PIM3: variants seen among roughly 807,000 people sequenced by gnomAD.
PIM3 encodes serine/threonine-protein kinase pim-3.
PIM3 carries 13 observed loss-of-function variants against 27.5 expected under a neutral mutation model. The ratio of observed to expected loss-of-function variants is 0.47; its 90% CI spans 0.31 to 0.75. The LOEUF (loss-of-function observed/expected upper bound fraction) is 0.75. Among genes scored for constraint, PIM3 ranks in the 30% least tolerant of loss-of-function variants. The pLI is 0.05. For synonymous variants in PIM3, 341 were observed against 221.1 expected (o/e 1.54, Z -4.81); for missense variants, 482 against 476.9 (o/e 1.01, Z -0.10).
rs747229572 is a variant in PIM3 at position 49,961,578 on chromosome 22, C to T, written c.383C>T (p.Pro128Leu). ...GFLLVLERPE[P>L]AQDLFDFITE... ...CTGCTGGTGCTGGAGCGGCCCGAGC[C>T]GGCGCAGGACCTCTTCGACTTTATC... The change falls in exon 4 of 6, where the codon CCG (proline) becomes CTG (leucine). Residue 128 changes from proline to leucine, a missense_variant. Pro to Leu is a moderately conservative substitution (Grantham distance 98, BLOSUM62 -3). Coordinates refer to ENST00000360612, the MANE Select transcript of PIM3 (RefSeq NM_001001852.4). The T allele has an allele frequency of 2.6e-6, 4 of 1,547,178 alleles. No individual in the cohort carries two copies. The highest frequency in any genetic ancestry group is 2.4e-5 in the East Asian group (1 of 40,890).
rs2060906634 is a variant in PIM3, at chr22:49,961,429, C to T, written c.247-13C>T. ...GCGGGCGCGGGGCTTTTGCTGACCGCCGTGTCCCCCAGGGCGGCGCGACCG... is the reference window on the plus strand; with the variant it reads ...GCGGGCGCGGGGCTTTTGCTGACCGTCGTGTCCCCCAGGGCGGCGCGACCG... On this transcript the variant is annotated splice_polypyrimidine_tract_variant and intron_variant, in intron 3 of 5. Transcript: ENST00000360612. 7.1e-7 allele frequency: 1 copy of T among 1,417,184 alleles called. No individual in the cohort carries two copies. The highest frequency in any genetic ancestry group is 9.2e-7 in the Non-Finnish European group (1 of 1,089,844). The allele number at this position is 1,417,184 out of a possible 1,614,324, so 87.8% of individuals were successfully genotyped here. A position where few individuals can be genotyped will look rare whatever the true frequency, so the allele number is the denominator to read the frequency against.
At chr22:49,961,877 C>T (rs1204566632) in intron 4 of PIM3, 66 bp downstream of exon 4, 7 of 1,583,400 alleles carry the variant, frequency 4.4e-6, no homozygotes, top group African/African-American at 1.4e-5. Context: ...CCTGCAGGGG[C>T]GGCACATGGA....
rs2060915616 is a variant in PIM3, at chr22:49,962,786, G to A, written c.714G>A (p.Met238Ile). Residue 238 changes from methionine (M) to isoleucine (I), a missense_variant, in exon 5 of 6, where the codon ATG (methionine) becomes ATA (isoleucine). Coordinates refer to ENST00000360612, the MANE Select transcript of PIM3 (RefSeq NM_001001852.4). ...VWSLGVLLYD[M>I]VCGDIPFEQD... ...CGCTGGGCGTGCTTCTCTACGATAT[G>A]GTGTGTGGGGACATCCCCTTCGAGC... The A allele has an allele frequency of 6.2e-7, 1 of 1,612,732 alleles. No individual in the cohort carries two copies. The highest frequency in any genetic ancestry group is 8.5e-7 in the Non-Finnish European group (1 of 1,179,996).
Position 49,961,651 on chromosome 22 carries a change from G to A in PIM3, c.456G>A (p.Ala152=). The A allele has an allele frequency of 1.3e-6, 2 of 1,573,222 alleles. No homozygotes were observed. Among genetic ancestry groups the A allele is most frequent in the South Asian group, 1.2e-5 (1 of 86,654 alleles). The change falls in exon 4 of 6, where the codon GCG becomes GCA. Residue 152 remains alanine (A), a synonymous_variant. Coordinates refer to ENST00000360612, the MANE Select transcript of PIM3 (RefSeq NM_001001852.4). ...LDEPLARRFF[A]QVLAAVRHCH... Reference sequence around the variant, plus strand: ...AGCCGCTGGCGCGCCGCTTCTTCGCGCAGGTGCTGGCCGCCGTGCGCCACT... The same window carrying A: ...AGCCGCTGGCGCGCCGCTTCTTCGCACAGGTGCTGGCCGCCGTGCGCCACT...
Position 49,962,922 on chromosome 22 carries a change from C to A in PIM3, c.794-18C>A, listed in dbSNP as rs374423701. ...CTCGCCCTGCTTGGGCCCTCCCTGA[C>A]CTCTCCGCTCCGCACAGAGTGCCAG... On this transcript the variant is annotated intron_variant, in intron 5 of 5. Coordinates refer to ENST00000360612, the MANE Select transcript of PIM3 (RefSeq NM_001001852.4). The A allele has an allele frequency of 5.6e-6, 9 of 1,599,084 alleles. No individual in the cohort carries two copies. Among genetic ancestry groups the A allele is most frequent in the Middle Eastern group, 1.7e-4 (1 of 6,026 alleles).
Position 49,961,004 on chromosome 22 carries a change from C to G in PIM3, c.57C>G (p.Asp19Glu). ...LAHLCGPGGV[D>E]HLPVKILQPA... Reference sequence around the variant, plus strand: ...ACCTCTGCGGGCCCGGCGGCGTGGACCACCTCCCGGTGAAGATCCTGCAGC... The same window carrying G: ...ACCTCTGCGGGCCCGGCGGCGTGGAGCACCTCCCGGTGAAGATCCTGCAGC... Residue 19 changes from aspartate to glutamate, a missense_variant, in exon 1 of 6, where the codon GAC becomes GAG. By Grantham distance (45) the Asp-to-Glu change is conservative. Coordinates refer to ENST00000360612, the MANE Select transcript of PIM3 (RefSeq NM_001001852.4). 1 of 1,393,762 alleles carries G rather than the reference C, an allele frequency of 7.2e-7. No individual in the cohort carries two copies. The highest frequency in any genetic ancestry group is 9.4e-7 in the Non-Finnish European group (1 of 1,064,290). 86.3% of individuals were successfully genotyped at this position (1,393,762 alleles called of 1,614,324 possible). A position where few individuals can be genotyped will look rare whatever the true frequency, so the allele number is the denominator to read the frequency against.
intron 4 of PIM3, among the ~76,000 whole-genome samples, chr22:49,962,339 C>T (rs1299705335): frequency 3.3e-5 from 5 of 149,338 alleles, no homozygotes; most frequent in African/African-American, 1.2e-4. Flanking sequence ...TCCCTCCTCC[C>T]TCCCTCTCTC....
At position 49,961,223 on chromosome 22, in the gene PIM3, G is replaced by A; in HGVS notation, c.184G>A (p.Asp62Asn). 1.3e-6 allele frequency: 2 copies of A among 1,534,522 alleles called. No individual in the cohort carries two copies. The highest frequency in any genetic ancestry group is 1.7e-6 in the Non-Finnish European group (2 of 1,144,714). Residue 62 changes from aspartate (D) to asparagine (N), a missense_variant, in exon 2 of 6, where the codon GAC (aspartate) becomes AAC (asparagine). Physicochemically the swap from Asp to Asn is conservative, Grantham distance 23. Coordinates refer to ENST00000360612, the MANE Select transcript of PIM3 (RefSeq NM_001001852.4). ...GTVYAGSRIA[D>N]GLPVAVKHVV... is the part of the protein sequence containing the mutation. Reference sequence around the variant, plus strand: ...GGTCTACGCGGGTAGCCGCATCGCCGACGGGCTCCCGGTGAGTCGGACCGC... The same window carrying A: ...GGTCTACGCGGGTAGCCGCATCGCCAACGGGCTCCCGGTGAGTCGGACCGC...
At position 49,961,533 on chromosome 22, in the gene PIM3, T is replaced by G; in HGVS notation, c.338T>G (p.Phe113Cys). ...ARGVIRLLDWFERPDGFLLVL... is the reference protein window; with the variant it reads ...ARGVIRLLDWCERPDGFLLVL... ...GGCGTCATCCGCCTGCTGGACTGGTTCGAGCGGCCCGACGGCTTCCTGCTG... is the reference window on the plus strand; with the variant it reads ...GGCGTCATCCGCCTGCTGGACTGGTGCGAGCGGCCCGACGGCTTCCTGCTG... The change falls in exon 4 of 6, where the codon TTC (phenylalanine) becomes TGC (cysteine). Residue 113 changes from phenylalanine (F) to cysteine (C), a missense_variant. Coordinates refer to ENST00000360612, the MANE Select transcript of PIM3 (RefSeq NM_001001852.4). 6.5e-7 allele frequency: 1 copy of G among 1,543,436 alleles called. No homozygotes were observed. Among genetic ancestry groups the G allele is most frequent in the Non-Finnish European group, 8.7e-7 (1 of 1,145,066 alleles).
intron 4 of PIM3, among the ~76,000 whole-genome samples, chr22:49,962,084 C>T (rs891814237): frequency 6.6e-6 from 1 of 152,012 alleles, no homozygotes; most frequent in Non-Finnish European, 1.5e-5. Flanking sequence ...GTGGGAGGCG[C>T]GTGACATCCT....
At position 49,961,039 on chromosome 22, in the gene PIM3, GCGGGGCCGGCGGGGC is replaced by G; in HGVS notation, c.85+17_85+31del. The G allele has an allele frequency of 7.4e-7, 1 of 1,344,982 alleles. No individual in the cohort carries two copies. The highest frequency in any genetic ancestry group is 1.7e-5 in the South Asian group (1 of 58,944). The allele number at this position is 1,344,982 out of a possible 1,614,324, so 83.3% of individuals were successfully genotyped here. ...GTGAAGATCCTGCAGCCAGGTACGC[GCGGGGCCGGCGGGGC>G]CGGGGCCGGGGCCAGGGCGGGGACC... On this transcript the variant is annotated splice_region_variant and intron_variant, in intron 1 of 5. Transcript: ENST00000360612.
chr22:49,962,112 C>G (rs1038130235), intron 4 of PIM3, among the ~76,000 whole-genome samples: 1 of 152,072 alleles, frequency 6.6e-6, no homozygotes, highest in Non-Finnish European at 1.5e-5. Context: ...CGAGAGACCC[C>G]CGGCTGGGGG....
rs934389583 is a variant in PIM3, at chr22:49,961,385, G to C, written c.246+17G>C. ...GGCAGCCTGGTAAGTTGGGGCACGG[G>C]CGGCGGCGGCGGCGGGGGGCGGGCG... On this transcript the variant is annotated intron_variant, in intron 3 of 5. Coordinates refer to ENST00000360612, the MANE Select transcript of PIM3 (RefSeq NM_001001852.4). 2.1e-6 allele frequency: 3 copies of C among 1,403,910 alleles called. No individual in the cohort carries two copies. The highest frequency in any genetic ancestry group is 2.8e-6 in the Non-Finnish European group (3 of 1,077,306). The allele number at this position is 1,403,910 out of a possible 1,614,324, so 87.0% of individuals were successfully genotyped here.
At position 49,961,624 on chromosome 22, in the gene PIM3, C is replaced by T; in HGVS notation, c.429C>T (p.Asp143=). ...TTATCACGGAGCGCGGCGCCCTGGA[C>T]GAGCCGCTGGCGCGCCGCTTCTTCG... The part of the protein sequence containing the change: ...FDFITERGAL[D]EPLARRFFAQ... The change falls in exon 4 of 6, where the codon GAC becomes GAT. Residue 143 remains aspartate (D), a synonymous_variant. Transcript: ENST00000360612. The T allele has an allele frequency of 1.9e-6, 3 of 1,552,160 alleles. No individual in the cohort carries two copies. Among genetic ancestry groups the T allele is most frequent in the Non-Finnish European group, 2.6e-6 (3 of 1,149,238 alleles).
rs747332665 is a variant in PIM3, at chr22:49,962,810, G to A, written c.738G>A (p.Glu246=). ...YDMVCGDIPF[E]QDEEILRGRL... ...TGGTGTGTGGGGACATCCCCTTCGA[G>A]CAGGACGAGGAGATCCTCCGAGGCC... The change falls in exon 5 of 6, where the codon GAG becomes GAA. Residue 246 remains glutamate, a synonymous_variant. Coordinates refer to ENST00000360612, the MANE Select transcript of PIM3 (RefSeq NM_001001852.4). 1.2e-6 allele frequency: 2 copies of A among 1,612,322 alleles called. No individual in the cohort carries two copies. Among genetic ancestry groups the A allele is most frequent in the South Asian group, 1.1e-5 (1 of 91,086 alleles).
In PIM3 at chr22:49,961,743, G is replaced by T; in HGVS notation, c.548G>T (p.Gly183Val). Residue 183 changes from glycine to valine, a missense_variant, in exon 4 of 6, where the codon GGA becomes GTA. Gly to Val is a moderately radical substitution (Grantham distance 109). Transcript: ENST00000360612. Reference protein sequence around the residue: ...DENLLVDLRSGELKLIDFGSG... With the variant: ...DENLLVDLRSVELKLIDFGSG... ...AATCTGCTTGTGGACCTGCGCTCCGGAGAGCTCAAGCTCATCGACTTCGGT... is the reference window on the plus strand; with the variant it reads ...AATCTGCTTGTGGACCTGCGCTCCGTAGAGCTCAAGCTCATCGACTTCGGT... The T allele has an allele frequency of 6.2e-7, 1 of 1,611,872 alleles. No homozygotes were observed. The highest frequency in any genetic ancestry group is 8.5e-7 in the Non-Finnish European group (1 of 1,179,478).
At chr22:49,962,616 C>G in intron 4 of PIM3, 73 bp from the exon 5 acceptor site, 19 of 1,499,866 alleles carry the variant, frequency 1.3e-5, no homozygotes, top group Non-Finnish European at 1.7e-5. Flanking sequence ...AGGGAGTTAA[C>G]CAGCAGGGAC....
chr22:49,963,535 GCGCC>G lies in PIM3; in HGVS notation c.*418_*421del. 1 of 165,018 alleles carries G rather than the reference GCGCC, an allele frequency of 6.1e-6. No homozygotes were observed. The highest frequency in any genetic ancestry group is 1.3e-5 in the Non-Finnish European group (1 of 76,224). 10.2% of individuals were successfully genotyped at this position (165,018 alleles called of 1,614,324 possible). On this transcript the variant is annotated 3_prime_UTR_variant, in exon 6 of 6. Transcript: ENST00000360612. The stretch of plus-strand genomic sequence containing the variant: ...ACACACAATGCAAGTCCTGGCCTCC[GCGCC>G]CGCCCGCCCACGCGAGCCGTACCCG...
chr22:49,961,295 G>A (rs1323715892), intron 2 of PIM3, 23 bp from the exon 3 acceptor site: 7 of 1,543,900 alleles, frequency 4.5e-6, no homozygotes, highest in African/African-American at 1.4e-5. Flanking sequence ...GCTTGGCCCG[G>A]CCTGACCCCC....
Sources: allele counts gnomAD v4.1 joint callset (sites outside exome capture counted in the v4.1 genomes callset), GRCh38; gene constraint gnomAD v4.1.1; transcripts MANE v1.5; gene names NCBI Gene and HGNC (gene_info 2026-07-23, HGNC 2026-07-21).